The following KDM5B variants were observed in gnomAD, a reference collection of about 807,000 sequenced individuals.
The protein encoded by KDM5B is lysine demethylase 5B.
In KDM5B, 144 loss-of-function variants were observed where a neutral mutation model predicts 193.4. The observed-to-expected ratio is 0.74, with a 90% confidence interval of 0.65 to 0.86. The LOEUF (loss-of-function observed/expected upper bound fraction) is 0.86. Ranked by LOEUF, KDM5B falls within the 40% of genes least tolerant of loss-of-function variation. The pLI, the probability that KDM5B is intolerant of heterozygous loss-of-function variation, is 0.00. For synonymous variants in KDM5B, 668 were observed against 682.6 expected (o/e 0.98, Z 0.33); for missense variants, 1,833 against 1,886.9 (o/e 0.97, Z 0.53).
At chr1:202,807,537 C>T (rs945742344) in intron 1 of KDM5B, among the ~76,000 whole-genome samples, 14 of 151,988 alleles carry the variant, frequency 9.2e-5, no homozygotes, top group Non-Finnish European at 1.5e-4. Context: ...GAGGGTGGGG[C>T]GCCCAGGTGA....
In KDM5B at chr1:202,795,512, C is replaced by T. The variant is rs147138618; in HGVS notation, c.204+12590G>A. Among the ~76,000 whole-genome samples the T allele has an allele frequency of 5.2e-3, 786 of 151,984 alleles. 5 individuals are homozygous for T. The highest frequency in any genetic ancestry group is 0.017 in the African/African-American group (692 of 41,442). ...ATTAAAAATACAAAAATTAGTTGGG[C>T]GTGGTGGCACGTCGCTGTAATCCCA... On this transcript the variant is annotated intron_variant, in intron 1 of 26. Coordinates refer to ENST00000367265, the MANE Select transcript of KDM5B (RefSeq NM_006618.5).
chr1:202,733,528 T>C lies in KDM5B; in HGVS notation c.3782A>G (p.Asn1261Ser), dbSNP rs1654972107. Residue 1261 changes from asparagine (N) to serine (S), a missense_variant, in exon 23 of 27, where the codon AAC (asparagine) becomes AGC (serine). Asn to Ser is a conservative substitution (Grantham distance 46, BLOSUM62 1). Transcript: ENST00000367265. ...ALRYMIERTVNWQHRAQQLLS... is the reference protein window; with the variant it reads ...ALRYMIERTVSWQHRAQQLLS... ...CAGTTGCTGGGCTCTGTGCTGCCAG[T>C]TCACGGTTCTTTCAATCATATATCG... is the stretch of plus-strand genomic sequence containing the variant. 6.2e-7 allele frequency: 1 copy of C among 1,614,134 alleles called. No individual in the cohort carries two copies. Among genetic ancestry groups the C allele is most frequent in the East Asian group, 2.2e-5 (1 of 44,878 alleles).
chr1:202,779,851 T>TAAA lies in KDM5B; in HGVS notation c.205-2760_205-2758dup, dbSNP rs1466116767. On this transcript the variant is annotated intron_variant, in intron 1 of 26. Coordinates refer to ENST00000367265, the MANE Select transcript of KDM5B (RefSeq NM_006618.5). ...AATAAATAAATAAATAAATAAAAAA[T>TAAA]AAAGGAAGAAAAAACAAAATACATG... Among the ~76,000 whole-genome samples, 18 of 134,712 alleles carry TAAA rather than the reference T, an allele frequency of 1.3e-4. No homozygotes were observed. In the East Asian group the frequency reaches 3.8e-3, roughly 28 times the overall value. The allele number at this position is 134,712 out of a possible 152,430, so 88.4% of individuals were successfully genotyped here.
intron 1 of KDM5B, among the ~76,000 whole-genome samples, chr1:202,789,293 G>C (rs1657538329): frequency 6.6e-6 from 1 of 152,084 alleles, no homozygotes; most frequent in South Asian, 2.1e-4. Context: ...GGCCAAGGCG[G>C]GTGGATCACT....
chr1:202,794,969 T>G (rs1201752601), intron 1 of KDM5B, among the ~76,000 whole-genome samples: 5 of 152,054 alleles, frequency 3.3e-5, no homozygotes, highest in African/African-American at 9.7e-5. Context: ...TCCCAGAACT[T>G]TGGAAGGCTG....
intron 1 of KDM5B, among the ~76,000 whole-genome samples, chr1:202,780,806 A>G (rs1558510348): frequency 6.6e-6 from 1 of 151,330 alleles, no homozygotes; most frequent in Admixed American, 6.6e-5. Flanking sequence ...AAAAAAAAAA[A>G]TACATATATA....
At chr1:202,805,753 C>G (rs1658264845) in intron 1 of KDM5B, among the ~76,000 whole-genome samples, 1 of 152,206 alleles carries the variant, frequency 6.6e-6, no homozygotes, top group Non-Finnish European at 1.5e-5. Flanking sequence ...AGACTGTTTA[C>G]ATCTCTTAAG....
chr1:202,768,775 A>C (rs2363762), intron 4 of KDM5B, among the ~76,000 whole-genome samples: 1 of 147,266 alleles, frequency 6.8e-6, no homozygotes, highest in Non-Finnish European at 1.5e-5. Context: ...TGGAGTGCAA[A>C]GGTGCAATCT....
chr1:202,795,345 C>T (rs1657800349), intron 1 of KDM5B, among the ~76,000 whole-genome samples: 1 of 152,062 alleles, frequency 6.6e-6, no homozygotes, highest in Non-Finnish European at 1.5e-5. Context: ...GTTTTCCTTT[C>T]TGCAGATAAG....
chr1:202,808,056 C>T, intron 1 of KDM5B, 46 bp downstream of exon 1: 1 of 1,591,638 alleles, frequency 6.3e-7, no homozygotes, highest in Non-Finnish European at 8.6e-7. Flanking sequence ...CGTCCCCGCT[C>T]CCTCCCCCAG....
chr1:202,744,986 C>T (rs533811425), intron 16 of KDM5B, among the ~76,000 whole-genome samples: 40 of 152,156 alleles, frequency 2.6e-4, no homozygotes, highest in Non-Finnish European at 5.4e-4. Context: ...AGAATGAGCT[C>T]GTGTCCTTTG....
chr1:202,785,681 G>A (rs1187105708), intron 1 of KDM5B, among the ~76,000 whole-genome samples: 2 of 152,132 alleles, frequency 1.3e-5, no homozygotes, highest in African/African-American at 2.4e-5. Flanking sequence ...GGAAGCCAAG[G>A]CGGGCAGATC....
Position 202,774,691 on chromosome 1 carries a change from C to T in KDM5B, c.327G>A (p.Lys109=). The change falls in exon 3 of 27, where the codon AAG becomes AAA. Residue 109 remains lysine (K), a synonymous_variant. Transcript: ENST00000367265. The part of the protein sequence containing the change: ...VKLNFLDQIA[K]YWELQGSTLK... ...GAGTACTTCCCTGTAACTCCCAGTA[C>T]TTTGCAATCTGGTCCAAGAAATTCA... 1 of 1,613,084 alleles carries T rather than the reference C, an allele frequency of 6.2e-7. No homozygotes were observed. Among genetic ancestry groups the T allele is most frequent in the Non-Finnish European group, 8.5e-7 (1 of 1,179,082 alleles).
At chr1:202,787,711 T>A (rs1657468953) in intron 1 of KDM5B, among the ~76,000 whole-genome samples, 1 of 151,426 alleles carries the variant, frequency 6.6e-6, no homozygotes, top group Non-Finnish European at 1.5e-5. Flanking sequence ...AGTGAAACCC[T>A]GTCTCTACTT....
intron 9 of KDM5B, among the ~76,000 whole-genome samples, chr1:202,757,487 G>A (rs1022797918): frequency 2.6e-5 from 4 of 152,102 alleles, no homozygotes; most frequent in Non-Finnish European, 5.9e-5. Flanking sequence ...CTAATATTCT[G>A]TCAAAATATA....
At position 202,808,407 on chromosome 1, in the gene KDM5B, A is replaced by C; in HGVS notation, c.-102T>G. The C allele has an allele frequency of 1.8e-6, 2 of 1,101,544 alleles. No homozygotes were observed. 68.2% of individuals were successfully genotyped at this position (1,101,544 alleles called of 1,614,324 possible). On this transcript the variant is annotated 5_prime_UTR_variant, in exon 1 of 27. Transcript: ENST00000367265. ...GTGCAGACGCGGCTCGAGCAACAGC[A>C]AGTCCGAGTTGTACGGGCAACGGCA...
intron 25 of KDM5B, 132 bp downstream of exon 25, chr1:202,730,777 A>T (rs1196217172): frequency 1.3e-6 from 1 of 795,518 alleles, no homozygotes; most frequent in Non-Finnish European, 1.9e-6. Context: ...CTAAGTCAGC[A>T]TTCAAAATGG....
chr1:202,755,275 G>C lies in KDM5B; in HGVS notation c.1534C>G (p.His512Asp). ...GTTCTTTTTGGAACTTCTCACCAGT[G>C]CAAGTAGTTAATTGAATAGCTCCAG... ...DHWSYSINYL[H>D]WGEPKTWYGV... The change falls in exon 11 of 27, where the codon CAC becomes GAC. Residue 512 changes from histidine (H) to aspartate (D), a missense_variant. By Grantham distance (81) the His-to-Asp change is moderately conservative. Around this residue, in one of 3 missense-constraint regions of KDM5B, gnomAD observed 1,379 missense variants for 1,349.6 expected, o/e 1.02. Coordinates refer to ENST00000367265, the MANE Select transcript of KDM5B (RefSeq NM_006618.5). 1 of 1,613,532 alleles carries C rather than the reference G, an allele frequency of 6.2e-7. No homozygotes were observed. Among genetic ancestry groups the C allele is most frequent in the Non-Finnish European group, 8.5e-7 (1 of 1,179,474 alleles).
At chr1:202,783,165 G>A (rs535961108) in intron 1 of KDM5B, among the ~76,000 whole-genome samples, 1 of 152,334 alleles carries the variant, frequency 6.6e-6, no homozygotes, top group African/African-American at 2.4e-5. Context: ...CTACTCAGGA[G>A]GCTGAGACAG....
Sources: allele counts gnomAD v4.1 joint callset (sites outside exome capture counted in the v4.1 genomes callset), GRCh38; gene constraint gnomAD v4.1.1; regional missense constraint gnomAD v4.1.1; transcripts MANE v1.5; gene names NCBI Gene and HGNC (gene_info 2026-07-23, HGNC 2026-07-21).